ZNF48: variants seen among roughly 807,000 people sequenced by gnomAD.
The protein encoded by ZNF48 is zinc finger protein 48.
Under a neutral mutation model 40.0 loss-of-function variants are expected in ZNF48, and 20 were observed. The ratio of observed to expected loss-of-function variants is 0.50; its 90% CI spans 0.35 to 0.73. ZNF48 has a LOEUF of 0.73. ZNF48 is among the 30% of genes least tolerant of loss of function. The pLI is 0.01. For missense variants in ZNF48, 726 were observed against 851.9 expected (o/e 0.85, Z 1.84); for synonymous variants, 298 against 329.7 (o/e 0.90, Z 1.04).
chr16:30,379,994 G>A (rs2049822340), intron 1 of ZNF48: 1 of 1,612,018 alleles, frequency 6.2e-7, no homozygotes. Context: ...TCGGGGAACT[G>A]GTAGATGTGG....
chr16:30,399,128 G>A lies in ZNF48; in HGVS notation c.*21G>A, dbSNP rs2050027290. The A allele has an allele frequency of 2.0e-6, 3 of 1,531,294 alleles. No individual in the cohort carries two copies. The allele number at this position is 1,531,294 out of a possible 1,614,324, so 94.9% of individuals were successfully genotyped here. A position where few individuals can be genotyped will look rare whatever the true frequency, so the allele number is the denominator to read the frequency against. On this transcript the variant is annotated 3_prime_UTR_variant, in exon 3 of 3. Coordinates refer to ENST00000613509, the MANE Select transcript of ZNF48 (RefSeq NM_001214909.2). ...AATGACGCGGTCCAGGGAGGGCGGA[G>A]GCCCAGGAGACCAAAGGGAGGGGCT... is the stretch of plus-strand genomic sequence containing the variant.
intron 1 of ZNF48, among the ~76,000 whole-genome samples, chr16:30,385,176 A>AAATAATAAT (rs71149012): frequency 3.1e-4 from 43 of 140,900 alleles, no homozygotes; most frequent in African/African-American, 1.0e-3. Context: ...ACTCTTTCTC[A>AAATAATAAT]AATAATAATA....
At position 30,381,492 on chromosome 16, in the gene ZNF48, T is replaced by C. The variant is rs751706669; in HGVS notation, c.-16+3082T>C. On this transcript the variant is annotated intron_variant, in intron 1 of 2. Coordinates refer to the ZNF48 transcript ENST00000528032. This position sits in a 1 kb window ranked among gnomAD's most constrained non-coding sequence, Gnocchi z 4.3. ...AAGCCAGCTGGGTGTGGGGAGAGGA[T>C]GTGAGGTCAGAGATCAAAGGCCAGA... 5.0e-6 allele frequency: 8 copies of C among 1,613,428 alleles called. No homozygotes were observed. The highest frequency in any genetic ancestry group is 1.7e-5 in the Admixed American group (1 of 59,936).
At chr16:30,394,569 CTCTTTCTTTGT>C, upstream of ZNF48, 1 of 152,610 alleles carries the variant, frequency 6.6e-6, no homozygotes, top group South Asian at 2.1e-4. Flanking sequence ...TTCTGGCCGC[CTCTTTCTTTGT>C]GTCTCTTTCT....
At chr16:30,395,398 G>A (rs1567432769), upstream of ZNF48, 2 of 379,182 alleles carry the variant, frequency 5.3e-6, no homozygotes, top group Admixed American at 3.2e-5. The surrounding 1 kb of genome is among the most constrained non-coding windows in gnomAD (Gnocchi z 5.9). Context: ...GCTCCGTGCG[G>A]CCCCGCGCTT....
Position 30,397,264 on chromosome 16 carries a change from A to G in ZNF48, c.80-66A>G. ...GATTGTCAAGGGAGTCTTCCTGGAG[A>G]GGTTGCTGTCAAAGATAAGTACCGA... is the stretch of plus-strand genomic sequence containing the variant. On this transcript the variant is annotated intron_variant, in intron 2 of 2. Transcript: ENST00000613509. This position sits in a 1 kb window ranked among gnomAD's most constrained non-coding sequence, Gnocchi z 4.1. 2.1e-6 allele frequency: 3 copies of G among 1,410,136 alleles called. No homozygotes were observed. Among genetic ancestry groups the G allele is most frequent in the Non-Finnish European group, 2.9e-6 (3 of 1,031,872 alleles). The allele number at this position is 1,410,136 out of a possible 1,614,324, so 87.4% of individuals were successfully genotyped here.
At chr16:30,380,097 G>C in intron 1 of ZNF48, 2 of 1,324,718 alleles carry the variant, frequency 1.5e-6, no homozygotes, top group Non-Finnish European at 2.1e-6. Context: ...TTCATGACCA[G>C]AGACAGTGAG....
In ZNF48 at chr16:30,398,536, T is replaced by C. The variant is rs2050014730; in HGVS notation, c.1286T>C (p.Leu429Ser). The C allele has an allele frequency of 6.2e-7, 1 of 1,606,650 alleles. No homozygotes were observed. The highest frequency in any genetic ancestry group is 8.5e-7 in the Non-Finnish European group (1 of 1,176,654). The change falls in exon 3 of 3, where the codon TTG becomes TCG. Residue 429 changes from leucine to serine, a missense_variant. This residue lies in a region of ZNF48 where 378 missense variants were observed against 449.1 expected (regional missense o/e 0.84). Coordinates refer to ENST00000613509, the MANE Select transcript of ZNF48 (RefSeq NM_001214909.2). The surrounding 1 kb of genome is among the most constrained non-coding windows in gnomAD (Gnocchi z 6.6). The part of the protein sequence containing the change: ...HSGEPFGLPG[L>S]EPEPGGPQAG... ...GGTGAGCCTTTTGGCCTGCCTGGCT[T>C]GGAGCCAGAGCCTGGGGGCCCACAG...
chr16:30,387,553 C>A (rs1345276511), intron 1 of ZNF48, among the ~76,000 whole-genome samples: 1 of 149,456 alleles, frequency 6.7e-6, no homozygotes, highest in African/African-American at 2.5e-5. Context: ...GAGACTTCCT[C>A]TCCAAAACAA....
intron 1 of ZNF48, chr16:30,379,381 C>T: frequency 6.5e-7 from 1 of 1,527,896 alleles, no homozygotes; most frequent in Non-Finnish European, 9.1e-7. Flanking sequence ...TGCGCCTGAC[C>T]CAGAGGCCCC....
In ZNF48 at chr16:30,385,212, TAATAATAATATAA is replaced by T. The variant is rs1156654447; in HGVS notation, c.-16+6804_-16+6816del. On this transcript the variant is annotated intron_variant, in intron 1 of 2. Coordinates refer to the ZNF48 transcript ENST00000528032. Reference sequence around the variant, plus strand: ...ATAATAATAATAATAATAATAATAATAATAATAATATAAATAAATAAATAAGCAAAGGGCAGGG... The same window carrying T: ...ATAATAATAATAATAATAATAATAATATAAATAAATAAGCAAAGGGCAGGG... 5.5e-3 allele frequency among the ~76,000 whole-genome samples: 605 copies of T among 109,744 alleles called. 3 individuals carry two copies. Among genetic ancestry groups the T allele is most frequent in the African/African-American group, 0.016 (582 of 35,308 alleles). The allele number at this position is 109,744 out of a possible 152,430, so 72.0% of individuals were successfully genotyped here.
rs187568207 is a variant in ZNF48 at position 30,386,733 on chromosome 16, C to T, written c.-16+8323C>T. Among the ~76,000 whole-genome samples, 432 of 151,576 alleles carry T rather than the reference C, an allele frequency of 2.9e-3. 1 individual carries two copies. Among genetic ancestry groups the T allele is most frequent in the African/African-American group, 9.7e-3 (402 of 41,292 alleles). On this transcript the variant is annotated intron_variant, in intron 1 of 2. Transcript: ENST00000528032. ...AAGCTGGAGTGCAATGGTGTGATCT[C>T]GGCTCACTGCAACCTCTGCCTCCCG... is the stretch of plus-strand genomic sequence containing the variant.
intron 1 of ZNF48, among the ~76,000 whole-genome samples, chr16:30,385,862 A>G (rs532300593): frequency 3.2e-4 from 48 of 152,030 alleles, no homozygotes; most frequent in Middle Eastern, 6.8e-3. Context: ...GTGGTGGTTC[A>G]CGCCTGTAAT....
At chr16:30,384,184 C>T (rs1420216188) in intron 1 of ZNF48, among the ~76,000 whole-genome samples, 1 of 151,874 alleles carries the variant, frequency 6.6e-6, no homozygotes, top group Non-Finnish European at 1.5e-5. Context: ...CGCTACACTC[C>T]ATCCTGGGCA....
At chr16:30,393,127 A>G (rs1303705576), upstream of ZNF48, among the ~76,000 whole-genome samples, 1 of 151,628 alleles carries the variant, frequency 6.6e-6, no homozygotes, top group African/African-American at 2.4e-5. Context: ...CCCAGGCTGG[A>G]GTGCAATGGC....
At chr16:30,392,937 T>C (rs1398834427), upstream of ZNF48, among the ~76,000 whole-genome samples, 2 of 152,198 alleles carry the variant, frequency 1.3e-5, no homozygotes, top group East Asian at 3.8e-4. Flanking sequence ...TATTAGCTAG[T>C]GATCAATAGG....
In ZNF48 at chr16:30,382,164, C is replaced by T. The variant is rs1299124810; in HGVS notation, c.-16+3754C>T. 1.9e-6 allele frequency: 3 copies of T among 1,606,268 alleles called. No homozygotes were observed. The highest frequency in any genetic ancestry group is 1.7e-6 in the Non-Finnish European group (2 of 1,176,432). ...GAGGCTGTTGATGAGGGTGGATTTC[C>T]CTAGGCCTGACTCCCCTGTGGACAG... On this transcript the variant is annotated intron_variant, in intron 1 of 2. Transcript: ENST00000528032. This position sits in a 1 kb window ranked among gnomAD's most constrained non-coding sequence, Gnocchi z 4.8.
At chr16:30,394,372 C>T (rs915223612), upstream of ZNF48, among the ~76,000 whole-genome samples, 1 of 152,128 alleles carries the variant, frequency 6.6e-6, no homozygotes, top group Non-Finnish European at 1.5e-5. Flanking sequence ...CTGAAGACAC[C>T]TCCAGACACT....
chr16:30,387,311 T>C (rs1474618103), intron 1 of ZNF48, among the ~76,000 whole-genome samples: 2 of 147,028 alleles, frequency 1.4e-5, no homozygotes, highest in Admixed American at 1.3e-4. Flanking sequence ...TCCCAGCACT[T>C]TGGGAGGCCT....
Sources: gnomAD v4.1 joint callset for allele counts (sites outside exome capture counted in the v4.1 genomes callset) on GRCh38, gnomAD v4.1.1 for gene constraint, gnomAD v4.1.1 regional missense constraint, Gnocchi (gnomAD v3.1) non-coding constraint, MANE v1.5 for transcripts, NCBI Gene and HGNC (gene_info 2026-07-23, HGNC 2026-07-21) for gene names.